PGPEP1L: variants seen among roughly 807,000 people sequenced by gnomAD.
PGPEP1L encodes pyroglutamyl-peptidase 1-like protein.
PGPEP1L carries 7 observed loss-of-function variants against 6.0 expected under a neutral mutation model. That is an observed-to-expected ratio of 1.17 (90% CI 0.66 to 2.19). The LOEUF (loss-of-function observed/expected upper bound fraction) is 2.19, where lower values mean the gene tolerates loss of function less well. Ranked by LOEUF, PGPEP1L falls within the 30% of genes most tolerant of loss-of-function variation. The pLI is 0.00. For missense variants in PGPEP1L, 209 were observed against 192.5 expected, an observed-to-expected ratio of 1.09 and a Z score of -0.51; for synonymous variants, 103 against 83.9, an observed-to-expected ratio of 1.23 and a Z score of -1.24.
intron 2 of PGPEP1L, among the ~76,000 whole-genome samples, chr15:98,987,758 G>A (rs1461437786): frequency 1.3e-5 from 2 of 152,206 alleles, no homozygotes; most frequent in Non-Finnish European, 2.9e-5. Context: ...GAAGGCAGGT[G>A]ATTTCTGCAT....
intron 1 of PGPEP1L, among the ~76,000 whole-genome samples, chr15:99,006,759 C>G (rs2018072118): frequency 2.0e-5 from 3 of 152,082 alleles, no homozygotes; most frequent in African/African-American, 7.3e-5. Context: ...AACTGCACCT[C>G]TGCACTCCAC....
At chr15:98,997,302 C>A (rs2017900944) in intron 2 of PGPEP1L, among the ~76,000 whole-genome samples, 1 of 152,184 alleles carries the variant, frequency 6.6e-6, no homozygotes, top group Non-Finnish European at 1.5e-5. Flanking sequence ...TCCTTGACTG[C>A]ATCTGTACTG....
At chr15:98,992,525 A>G (rs1206788804) in intron 2 of PGPEP1L, among the ~76,000 whole-genome samples, 1 of 152,230 alleles carries the variant, frequency 6.6e-6, no homozygotes, top group Non-Finnish European at 1.5e-5. Context: ...ATACTGCCCA[A>G]AGTAATTTAT....
intron 2 of PGPEP1L, among the ~76,000 whole-genome samples, chr15:98,981,469 A>G (rs111749862): frequency 0.05 from 7,569 of 150,560 alleles, 654 homozygotes; most frequent in African/African-American, 0.17. Flanking sequence ...CAGCCTGGGC[A>G]ACAGAGCAAG....
intron 1 of PGPEP1L, among the ~76,000 whole-genome samples, chr15:99,007,092 C>G: frequency 6.6e-6 from 1 of 152,312 alleles, no homozygotes; most frequent in Non-Finnish European, 1.5e-5. Context: ...GGATTCTGAA[C>G]CAGGAACAAT....
intron 2 of PGPEP1L, among the ~76,000 whole-genome samples, chr15:98,988,447 C>T (rs1388642624): frequency 6.6e-6 from 1 of 152,196 alleles, no homozygotes; most frequent in African/African-American, 2.4e-5. Context: ...CTAGATCCCT[C>T]CTCTCTGGGA....
rs1329008367 is a variant in PGPEP1L, at chr15:98,971,044, G to C, written c.-27C>G. The C allele has an allele frequency of 6.2e-7, 1 of 1,613,762 alleles. No homozygotes were observed. The highest frequency in any genetic ancestry group is 8.5e-7 in the Non-Finnish European group (1 of 1,179,788). On this transcript the variant is annotated 5_prime_UTR_variant, in exon 3 of 5. It adds an upstream start codon to the 5' untranslated region. Coordinates refer to ENST00000535714, the MANE Select transcript of PGPEP1L (RefSeq NM_001167902.2). ...CTCTGGCCATCACTTACTTGCGGCT[G>C]ATGATCTTCCCAGATTCCGGTGACC...
intron 1 of PGPEP1L, among the ~76,000 whole-genome samples, chr15:99,007,076 TTTCTGGGA>T (rs1427679577): frequency 1.3e-5 from 2 of 152,168 alleles, no homozygotes; most frequent in Non-Finnish European, 2.9e-5. Context: ...CCTTGGTGGC[TTTCTGGGA>T]TTCTGAACCA....
At chr15:99,001,776 G>A (rs1250479036) in intron 2 of PGPEP1L, among the ~76,000 whole-genome samples, 1 of 151,948 alleles carries the variant, frequency 6.6e-6, no homozygotes. Context: ...GGAGTGCAGT[G>A]GTGTGATCTC....
intron 2 of PGPEP1L, among the ~76,000 whole-genome samples, chr15:98,993,992 G>C (rs529231864): frequency 6.6e-6 from 1 of 152,264 alleles, no homozygotes; most frequent in South Asian, 2.1e-4. Context: ...TTTTGGCCTG[G>C]CACAGTGACT....
chr15:98,972,810 G>A (rs2017516938), intron 2 of PGPEP1L, among the ~76,000 whole-genome samples: 2 of 142,266 alleles, frequency 1.4e-5, no homozygotes, highest in African/African-American at 5.2e-5. Context: ...GGCGGAGCTT[G>A]CAGTGAGCAG....
intron 2 of PGPEP1L, among the ~76,000 whole-genome samples, chr15:98,996,620 C>T (rs2017892210): frequency 1.2e-5 from 1 of 83,184 alleles, no homozygotes; most frequent in African/African-American, 3.0e-5. Flanking sequence ...TATATGCCTG[C>T]GTGTATGTGT....
intron 2 of PGPEP1L, among the ~76,000 whole-genome samples, chr15:98,981,318 C>T (rs1352682382): frequency 2.6e-5 from 4 of 151,916 alleles, no homozygotes; most frequent in Non-Finnish European, 5.9e-5. Context: ...CAGTGAAACC[C>T]CGTCTCCACT....
intron 2 of PGPEP1L, among the ~76,000 whole-genome samples, chr15:98,983,172 G>A (rs1227250133): frequency 5.0e-5 from 7 of 140,640 alleles, no homozygotes; most frequent in African/African-American, 8.4e-5. Flanking sequence ...AAAAAAAAAA[G>A]AAGAATCAAG....
chr15:98,981,128 A>C (rs531947407), intron 2 of PGPEP1L, among the ~76,000 whole-genome samples: 7 of 152,082 alleles, frequency 4.6e-5, no homozygotes, highest in South Asian at 2.1e-4. Flanking sequence ...AAAGCAGCAG[A>C]AAAGTCCCAA....
chr15:99,000,793 G>C (rs1271612019), intron 2 of PGPEP1L, among the ~76,000 whole-genome samples: 3 of 152,086 alleles, frequency 2.0e-5, no homozygotes, highest in African/African-American at 7.2e-5. Flanking sequence ...GATGTGGGTG[G>C]GGCCAGATAA....
Position 99,007,540 on chromosome 15 carries a change from G to A in PGPEP1L, c.-551C>T, listed in dbSNP as rs539849817. The A allele has an allele frequency of 1.3e-5, 2 of 152,134 alleles. No individual in the cohort carries two copies. The highest frequency in any genetic ancestry group is 2.9e-5 in the Non-Finnish European group (2 of 68,036). 9.4% of individuals were successfully genotyped at this position (152,134 alleles called of 1,614,324 possible). A position where few individuals can be genotyped will look rare whatever the true frequency, so the allele number is the denominator to read the frequency against. ...CTTCTGGCAGATTCGTGATCTCGCT[G>A]ACTTCAGGAGTGAAGCTACGGACCT... On this transcript the variant is annotated 5_prime_UTR_variant, in exon 1 of 5. Transcript: ENST00000535714.
intron 4 of PGPEP1L, among the ~76,000 whole-genome samples, chr15:98,969,210 G>A (rs921249012): frequency 6.6e-6 from 1 of 152,212 alleles, no homozygotes; most frequent in African/African-American, 2.4e-5. Flanking sequence ...ACCAAAGACC[G>A]TGTTTCCACA....
At chr15:98,996,545 T>C (rs548538116) in intron 2 of PGPEP1L, among the ~76,000 whole-genome samples, 21 of 151,640 alleles carry the variant, frequency 1.4e-4, no homozygotes, top group East Asian at 1.2e-3. Flanking sequence ...TGTGTGTGTG[T>C]GCATATGTAT....
Sources: allele counts gnomAD v4.1 joint callset (sites outside exome capture counted in the v4.1 genomes callset), GRCh38; gene constraint gnomAD v4.1.1; transcripts MANE v1.5; gene names NCBI Gene and HGNC (gene_info 2026-07-23, HGNC 2026-07-21).